The following PRMT8 variants were observed in gnomAD, a reference collection of about 807,000 sequenced individuals.
PRMT8 encodes protein arginine N-methyltransferase 8.
A neutral mutation model predicts 47.1 loss-of-function variants in PRMT8; 7 were observed. The ratio of observed to expected loss-of-function variants is 0.15; its 90% confidence interval spans 0.08 to 0.28. PRMT8 has a LOEUF of 0.28. PRMT8 is among the 10% of genes least tolerant of loss of function. The pLI, the probability that PRMT8 is intolerant of heterozygous loss-of-function variation, is 1.00. For synonymous variants in PRMT8, 188 were observed against 186.5 expected, an observed-to-expected ratio of 1.01 and a Z score of -0.07; for missense variants, 237 against 505.4, an observed-to-expected ratio of 0.47 and a Z score of 5.09.
chr12:3,504,901 G>A (rs9804961), intron 1 of PRMT8, among the ~76,000 whole-genome samples: 975 of 41,788 alleles, frequency 0.023, 35 homozygotes, highest in African/African-American at 0.092. Flanking sequence ...ATATAGTCTC[G>A]TGGTGCGCCG....
intron 4 of PRMT8, among the ~76,000 whole-genome samples, chr12:3,554,078 C>T (rs942342033): frequency 1.1e-4 from 17 of 152,188 alleles, no homozygotes; most frequent in Non-Finnish European, 2.5e-4. Context: ...GAGCCCCGAC[C>T]CAATGTTTCC....
rs1866208089 is a variant in PRMT8 at position 3,540,611 on chromosome 12, C to G, written c.81C>G (p.Asn27Lys). 8.3e-7 allele frequency: 1 copy of G among 1,211,624 alleles called. No homozygotes were observed. The allele number at this position is 1,211,624 out of a possible 1,614,324, so 75.1% of individuals were successfully genotyped here. ...CCCCCTTCTCTTCCCCTCAGGTGAA[C>G]AGCCCCCCCTCCCAGCCCCCCCAGC... Reference protein sequence around the residue: ...AENAAESTEVNSPPSQPPQPV... With the variant: ...AENAAESTEVKSPPSQPPQPV... The change falls in exon 2 of 10, where the codon AAC becomes AAG. Residue 27 changes from asparagine to lysine, a missense_variant. Physicochemically the swap from Asn to Lys is moderately conservative, Grantham distance 94. Transcript: ENST00000382622.
At chr12:3,562,716 G>A (rs1866657608) in intron 4 of PRMT8, among the ~76,000 whole-genome samples, 1 of 152,184 alleles carries the variant, frequency 6.6e-6, no homozygotes, top group Non-Finnish European at 1.5e-5. Flanking sequence ...ACGGACATTG[G>A]CGGATGCTAC....
chr12:3,449,356 G>A (rs1864893678), intron 1 of PRMT8, among the ~76,000 whole-genome samples: 2 of 152,204 alleles, frequency 1.3e-5, no homozygotes, highest in African/African-American at 4.8e-5. Flanking sequence ...TCCACCAACA[G>A]TGTAAAAAAG....
At chr12:3,392,825 C>T (rs1311585937) in intron 1 of PRMT8, among the ~76,000 whole-genome samples, 3 of 151,982 alleles carry the variant, frequency 2.0e-5, no homozygotes, top group Admixed American at 6.6e-5. Flanking sequence ...TACAGTCCCA[C>T]CAACAGTGTA....
At chr12:3,445,092 C>T (rs1164703625) in intron 1 of PRMT8, among the ~76,000 whole-genome samples, 1 of 152,232 alleles carries the variant, frequency 6.6e-6, no homozygotes, top group Non-Finnish European at 1.5e-5. Context: ...GAGACAGCCT[C>T]TAGTATGGAG....
chr12:3,422,478 G>A (rs1051430230), intron 1 of PRMT8, among the ~76,000 whole-genome samples: 4 of 152,130 alleles, frequency 2.6e-5, no homozygotes, highest in Non-Finnish European at 5.9e-5. Flanking sequence ...TCCAAAAACC[G>A]AGCTCCCCGA....
chr12:3,486,063 G>A (rs1473982352), intron 1 of PRMT8, among the ~76,000 whole-genome samples: 1 of 152,166 alleles, frequency 6.6e-6, no homozygotes, highest in Non-Finnish European at 1.5e-5. Context: ...AGTGACATTG[G>A]TAAATAGTGC....
rs1327454033 is a variant in PRMT8 at position 3,535,574 on chromosome 12, C to G, written c.76-5032C>G. Among the ~76,000 whole-genome samples, 1 of 152,080 alleles carries G rather than the reference C, an allele frequency of 6.6e-6. No homozygotes were observed. Among genetic ancestry groups the G allele is most frequent in the Non-Finnish European group, 1.5e-5 (1 of 68,008 alleles). ...CAGGGTGCTTTCTCTGCCCTGGGGC[C>G]CAAGAACCCAACAGGACAAGGCTGG... On this transcript the variant is annotated intron_variant, in intron 1 of 9. Coordinates refer to ENST00000382622, the MANE Select transcript of PRMT8 (RefSeq NM_019854.5). This position sits in a 1 kb window ranked among gnomAD's most constrained non-coding sequence, Gnocchi z 4.7.
At chr12:3,559,098 G>C (rs961039203) in intron 4 of PRMT8, among the ~76,000 whole-genome samples, 20 of 152,028 alleles carry the variant, frequency 1.3e-4, no homozygotes, top group Admixed American at 2.6e-4. Context: ...CTACTGATCT[G>C]TCCATTCATT....
chr12:3,440,153 A>G (rs1864783730), intron 1 of PRMT8, among the ~76,000 whole-genome samples: 1 of 152,176 alleles, frequency 6.6e-6, no homozygotes. Flanking sequence ...ATTGATGATT[A>G]TATTATCTTT....
intron 1 of PRMT8, among the ~76,000 whole-genome samples, chr12:3,440,240 C>CATG (rs1864785955): frequency 6.6e-6 from 1 of 152,108 alleles, no homozygotes; most frequent in South Asian, 2.1e-4. Flanking sequence ...GCGGGTGGAT[C>CATG]ATGAGGTCAG....
rs1280464039 is a variant in PRMT8 at position 3,583,004 on chromosome 12, C to A, written c.829-54C>A. 9.5e-6 allele frequency: 15 copies of A among 1,585,294 alleles called. No individual in the cohort carries two copies. The highest frequency in any genetic ancestry group is 1.3e-5 in the Non-Finnish European group (15 of 1,164,056). On this transcript the variant is annotated intron_variant, in intron 7 of 9. Coordinates refer to ENST00000382622, the MANE Select transcript of PRMT8 (RefSeq NM_019854.5). The surrounding 1 kb of genome is among the most constrained non-coding windows in gnomAD (Gnocchi z 4.7). ...ACAGAACGAGGCTGCTGACCGGGACCCAGACTTGGTGGAGGCGATAAGTTC... is the reference window on the plus strand; with the variant it reads ...ACAGAACGAGGCTGCTGACCGGGACACAGACTTGGTGGAGGCGATAAGTTC...
At chr12:3,582,780 C>G (rs550645286) in intron 7 of PRMT8, among the ~76,000 whole-genome samples, 21 of 152,302 alleles carry the variant, frequency 1.4e-4, no homozygotes, top group Non-Finnish European at 1.2e-4. Context: ...CATCATCCCC[C>G]TGTAGCCCCA....
rs1415907801 is a variant in PRMT8, at chr12:3,583,626, T to G, written c.979+418T>G. On this transcript the variant is annotated intron_variant, in intron 8 of 9. Transcript: ENST00000382622. The surrounding 1 kb of genome is among the most constrained non-coding windows in gnomAD (Gnocchi z 4.7). ...TCTTGCAGCAGCCTGCACACTGGTC[T>G]CTATGTCTCCTTCCCTTCTCCCTTA... 6.6e-6 allele frequency among the ~76,000 whole-genome samples: 1 copy of G among 152,198 alleles called. No individual in the cohort carries two copies.
At chr12:3,434,968 CTTT>C (rs398044252) in intron 1 of PRMT8, among the ~76,000 whole-genome samples, 2,741 of 130,692 alleles carry the variant, frequency 0.021, 101 homozygotes, top group African/African-American at 0.072. Flanking sequence ...TTGCTTTGCT[CTTT>C]TTTTTTTTTT....
intron 1 of PRMT8, among the ~76,000 whole-genome samples, chr12:3,422,476 C>T (rs1350659612): frequency 6.6e-6 from 1 of 152,170 alleles, no homozygotes; most frequent in African/African-American, 2.4e-5. Context: ...TATCCAAAAA[C>T]CGAGCTCCCC....
In PRMT8 at chr12:3,491,712, A is replaced by C. The variant is rs751128407; in HGVS notation, c.75+12A>C. On this transcript the variant is annotated intron_variant, in intron 1 of 9. Transcript: ENST00000382622. Reference sequence around the variant, plus strand: ...CCGAGAGCACCGAGGTAAGGAGGCGAGCGAGCAGGGGCTCTCGGAGACCCC... The same window carrying C: ...CCGAGAGCACCGAGGTAAGGAGGCGCGCGAGCAGGGGCTCTCGGAGACCCC... 3.0e-5 allele frequency: 48 copies of C among 1,603,340 alleles called. No homozygotes were observed. The highest frequency in any genetic ancestry group is 3.9e-5 in the Non-Finnish European group (46 of 1,177,914).
chr12:3,405,668 G>A (rs1361546484), intron 1 of PRMT8, among the ~76,000 whole-genome samples: 1 of 152,190 alleles, frequency 6.6e-6, no homozygotes, highest in Non-Finnish European at 1.5e-5. Context: ...AATCCAGTAG[G>A]GCAGTCATGA....
Sources: allele counts gnomAD v4.1 joint callset (sites outside exome capture counted in the v4.1 genomes callset), GRCh38; gene constraint gnomAD v4.1.1; non-coding constraint Gnocchi (gnomAD v3.1); transcripts MANE v1.5; gene names NCBI Gene and HGNC (gene_info 2026-07-23, HGNC 2026-07-21).